Variants in PEX5L observed in about 807,000 individuals in gnomAD.
The protein encoded by PEX5L is PEX5-related protein.
A neutral mutation model predicts 84.0 loss-of-function variants in PEX5L; 30 were observed. The ratio of observed to expected loss-of-function variants is 0.36; its 90% CI spans 0.27 to 0.48. PEX5L has a LOEUF of 0.48. Among genes scored for constraint, PEX5L ranks in the 20% least tolerant of loss-of-function variants. PEX5L has a pLI of 0.99. For synonymous variants in PEX5L, 270 were observed against 283.1 expected, an observed-to-expected ratio of 0.95 and a Z score of 0.46; for missense variants, 533 against 754.6, an observed-to-expected ratio of 0.71 and a Z score of 3.44.
At chr3:179,897,706 T>C (rs1439532027) in intron 3 of PEX5L, among the ~76,000 whole-genome samples, 1 of 152,164 alleles carries the variant, frequency 6.6e-6, no homozygotes, top group Non-Finnish European at 1.5e-5. Context: ...TAAATATATT[T>C]AACATTTAAG....
chr3:179,936,789 G>A (rs60214865), intron 2 of PEX5L, among the ~76,000 whole-genome samples: 53,748 of 102,826 alleles, frequency 0.52, 22,483 homozygotes, highest in African/African-American at 0.61. Flanking sequence ...TCTCTGTTGA[G>A]CTCTCTTTAG....
rs1560115632 is a variant in PEX5L at position 179,798,011 on chromosome 3, T to TAAAG, written c.*3813_*3816dup. ...CCAAGCTCACAGACAAAGTTTATGA[T>TAAAG]AAAGAGTTTGGAAGCTTTTATTATA... On this transcript the variant is annotated 3_prime_UTR_variant, in exon 15 of 15. Transcript: ENST00000467460. 2 of 152,206 alleles carry TAAAG rather than the reference T, an allele frequency of 1.3e-5. No individual in the cohort carries two copies. Among genetic ancestry groups the TAAAG allele is most frequent in the Admixed American group, 6.5e-5 (1 of 15,272 alleles). The allele number at this position is 152,206 out of a possible 1,614,324, so 9.4% of individuals were successfully genotyped here. A position where few individuals can be genotyped will look rare whatever the true frequency, so the allele number is the denominator to read the frequency against.
Position 179,874,380 on chromosome 3 carries a change from T to C in PEX5L, c.673A>G (p.Ser225Gly), listed in dbSNP as rs2108707025. ...RSQPELSGGK[S>G]ALNSESASEL... The stretch of plus-strand genomic sequence containing the variant: ...GAAGCCGACTCAGAGTTGAGGGCGC[T>C]TTTTCCACCACTCAGTTCTGGTTGA... The change falls in exon 7 of 15, where the codon AGC becomes GGC. Residue 225 changes from serine (S) to glycine (G), a missense_variant. This residue lies in a region of PEX5L where 259 missense variants were observed against 301.7 expected (regional missense o/e 0.86). Coordinates refer to ENST00000467460, the MANE Select transcript of PEX5L (RefSeq NM_016559.3). 1 of 1,610,436 alleles carries C rather than the reference T, an allele frequency of 6.2e-7. No homozygotes were observed. The highest frequency in any genetic ancestry group is 1.1e-5 in the South Asian group (1 of 90,894).
intron 1 of PEX5L, among the ~76,000 whole-genome samples, chr3:180,034,225 T>C (rs1026971322): frequency 1.3e-5 from 2 of 152,182 alleles, no homozygotes; most frequent in Non-Finnish European, 2.9e-5. Flanking sequence ...TAGCAAAAGA[T>C]TGCAAACATT....
At chr3:179,806,152 A>G (rs1721219531) in intron 14 of PEX5L, among the ~76,000 whole-genome samples, 1 of 152,058 alleles carries the variant, frequency 6.6e-6, no homozygotes. Context: ...AAGGTGTCTC[A>G]TAAAATACAT....
At chr3:179,873,948 T>C (rs1272422180) in intron 7 of PEX5L, among the ~76,000 whole-genome samples, 2 of 152,092 alleles carry the variant, frequency 1.3e-5, no homozygotes, top group Non-Finnish European at 2.9e-5. Flanking sequence ...AGGGCATAGG[T>C]GTGAATGAAC....
At chr3:179,938,160 C>T in intron 2 of PEX5L, among the ~76,000 whole-genome samples, 1 of 152,068 alleles carries the variant, frequency 6.6e-6, no homozygotes, top group East Asian at 1.9e-4. Context: ...GGTGAACATA[C>T]AAAATGCGGC....
intron 1 of PEX5L, among the ~76,000 whole-genome samples, chr3:179,981,264 T>G (rs184122020): frequency 6.6e-6 from 1 of 152,178 alleles, no homozygotes; most frequent in East Asian, 1.9e-4. Flanking sequence ...GTTCTTTATG[T>G]TAAGAGCAAT....
chr3:179,994,297 A>C (rs1213327825), intron 1 of PEX5L, among the ~76,000 whole-genome samples: 1 of 152,268 alleles, frequency 6.6e-6, no homozygotes, highest in East Asian at 1.9e-4. Context: ...TTTATACATT[A>C]AAAGTTAATG....
At chr3:180,021,344 A>T (rs1790408929) in intron 1 of PEX5L, among the ~76,000 whole-genome samples, 1 of 152,154 alleles carries the variant, frequency 6.6e-6, no homozygotes, top group Non-Finnish European at 1.5e-5. Flanking sequence ...TAAGTCATAT[A>T]TTATTGTGGA....
intron 2 of PEX5L, among the ~76,000 whole-genome samples, chr3:179,932,070 A>G (rs1773268488): frequency 6.6e-6 from 1 of 152,198 alleles, no homozygotes; most frequent in African/African-American, 2.4e-5. Context: ...GAAGCAACAT[A>G]CCTGTCTATA....
chr3:179,815,704 G>A (rs745461471), intron 10 of PEX5L, among the ~76,000 whole-genome samples, 157 bp downstream of exon 10: 1 of 152,182 alleles, frequency 6.6e-6, no homozygotes, highest in Non-Finnish European at 1.5e-5. Context: ...TAGAAAACGG[G>A]TACTTATTTG....
intron 1 of PEX5L, among the ~76,000 whole-genome samples, chr3:180,018,008 T>C (rs1267924817): frequency 6.6e-6 from 1 of 152,194 alleles, no homozygotes; most frequent in Non-Finnish European, 1.5e-5. Flanking sequence ...CACCCACAGT[T>C]TGGAAATCAG....
At chr3:179,983,584 T>A (rs1051483531) in intron 1 of PEX5L, among the ~76,000 whole-genome samples, 9 of 152,022 alleles carry the variant, frequency 5.9e-5, no homozygotes, top group Non-Finnish European at 1.3e-4. Flanking sequence ...CAAACAATAC[T>A]AGTTGGGAAA....
At chr3:179,830,730 G>A (rs987728392) in intron 8 of PEX5L, among the ~76,000 whole-genome samples, 2 of 152,160 alleles carry the variant, frequency 1.3e-5, no homozygotes, top group Non-Finnish European at 2.9e-5. Flanking sequence ...ATTTGATCTA[G>A]CTTCTTGGCA....
chr3:179,985,009 T>C (rs1786675407), intron 1 of PEX5L, among the ~76,000 whole-genome samples: 2 of 152,240 alleles, frequency 1.3e-5, no homozygotes. Context: ...GCTCTTTTTT[T>C]ACCTTTGGAT....
At chr3:179,954,209 G>C (rs1054913826) in intron 2 of PEX5L, among the ~76,000 whole-genome samples, 22 of 134,392 alleles carry the variant, frequency 1.6e-4, no homozygotes, top group South Asian at 5.2e-4. Context: ...TTAGTCGGGG[G>C]GGGGGGAAAA....
rs766566378 is a variant in PEX5L, at chr3:179,811,784, C to T, written c.1154+17G>A. 1.9e-6 allele frequency: 3 copies of T among 1,596,060 alleles called. No homozygotes were observed. The highest frequency in any genetic ancestry group is 2.2e-5 in the East Asian group (1 of 44,838). ...AGTATCCACCAGGCCCATGATTTTGCACTTAGCTTCCTTTACCTCTGGAGG... is the reference window on the plus strand; with the variant it reads ...AGTATCCACCAGGCCCATGATTTTGTACTTAGCTTCCTTTACCTCTGGAGG... On this transcript the variant is annotated intron_variant, in intron 11 of 14. Coordinates refer to ENST00000467460, the MANE Select transcript of PEX5L (RefSeq NM_016559.3).
intron 1 of PEX5L, among the ~76,000 whole-genome samples, chr3:180,005,637 G>A (rs1023020885): frequency 3.3e-5 from 5 of 152,094 alleles, no homozygotes; most frequent in African/African-American, 1.2e-4. Context: ...GCTGAGGCAG[G>A]AGAATGGTGT....
Sources: allele counts gnomAD v4.1 joint callset (sites outside exome capture counted in the v4.1 genomes callset), GRCh38; gene constraint gnomAD v4.1.1; regional missense constraint gnomAD v4.1.1; transcripts MANE v1.5; gene names NCBI Gene and HGNC (gene_info 2026-07-23, HGNC 2026-07-21).